ZNF385D: variants seen among roughly 807,000 people sequenced by gnomAD.
The protein encoded by ZNF385D is zinc finger protein 385D.
Under a neutral mutation model 35.8 loss-of-function variants are expected in ZNF385D, and 15 were observed. The ratio of observed to expected loss-of-function variants is 0.42; its 90% confidence interval spans 0.28 to 0.64. ZNF385D has a LOEUF of 0.64. ZNF385D is among the 30% of genes least tolerant of loss of function. The pLI, the probability that ZNF385D is intolerant of heterozygous loss-of-function variation, is 0.23. For synonymous variants in ZNF385D, 212 were observed against 186.8 expected, an observed-to-expected ratio of 1.13 and a Z score of -1.10; for missense variants, 474 against 494.6, an observed-to-expected ratio of 0.96 and a Z score of 0.39.
At chr3:22,073,138 G>T (rs1269259362) in intron 3 of ZNF385D, among the ~76,000 whole-genome samples, 1 of 151,982 alleles carries the variant, frequency 6.6e-6, no homozygotes, top group Non-Finnish European at 1.5e-5. Flanking sequence ...GGTGCCCTCA[G>T]AATTTACCTG....
intron 2 of ZNF385D, among the ~76,000 whole-genome samples, chr3:21,589,475 A>G (rs1419627381): frequency 2.0e-5 from 3 of 152,188 alleles, no homozygotes; most frequent in South Asian, 2.1e-4. Flanking sequence ...TTTTTACCTT[A>G]TAAGAGTGAA....
intron 3 of ZNF385D, among the ~76,000 whole-genome samples, chr3:21,829,579 A>G (rs1448284259): frequency 6.6e-6 from 1 of 151,924 alleles, no homozygotes; most frequent in Non-Finnish European, 1.5e-5. Context: ...GGAAGATATG[A>G]TACGATTTAG....
chr3:21,815,374 C>CA (rs1378692442), intron 3 of ZNF385D, among the ~76,000 whole-genome samples: 5 of 151,928 alleles, frequency 3.3e-5, no homozygotes, highest in East Asian at 1.9e-4. Context: ...AAATACCCTT[C>CA]AAAAAATCAA....
chr3:22,101,885 G>T (rs1466067904), intron 3 of ZNF385D, among the ~76,000 whole-genome samples: 1 of 151,676 alleles, frequency 6.6e-6, no homozygotes, highest in African/African-American at 2.4e-5. Context: ...GTAAGCTACA[G>T]CCCAGGGAGG....
At chr3:21,814,570 T>A (rs2073067884) in intron 3 of ZNF385D, among the ~76,000 whole-genome samples, 2 of 151,772 alleles carry the variant, frequency 1.3e-5, no homozygotes, top group Admixed American at 6.6e-5. Context: ...CCAACAAAGA[T>A]CAAAAGAGAC....
At chr3:22,191,810 G>C (rs1432465731) in intron 2 of ZNF385D, among the ~76,000 whole-genome samples, 1 of 151,868 alleles carries the variant, frequency 6.6e-6, no homozygotes, top group Non-Finnish European at 1.5e-5. Context: ...AAATAACCTA[G>C]GTCTTATTAA....
intron 3 of ZNF385D, among the ~76,000 whole-genome samples, chr3:22,037,992 T>C (rs1015568417): frequency 5.9e-5 from 9 of 152,248 alleles, no homozygotes; most frequent in African/African-American, 2.2e-4. Context: ...ATTCCCTATT[T>C]AATAAATGGT....
chr3:21,926,769 G>A lies in ZNF385D; in HGVS notation c.325+242048C>T, dbSNP rs185705617. Among the ~76,000 whole-genome samples the A allele has an allele frequency of 1.2e-3, 182 of 152,216 alleles. 3 individuals carry two copies. In the East Asian group the frequency reaches 0.025, roughly 21 times the overall value. ...AGACTTCATGACTAAAACACCAAAAGCAATGGCAACAAAAACCAAAATAGA... is the reference window on the plus strand; with the variant it reads ...AGACTTCATGACTAAAACACCAAAAACAATGGCAACAAAAACCAAAATAGA... On this transcript the variant is annotated intron_variant, in intron 3 of 5. Transcript: ENST00000494108.
Position 21,751,030 on chromosome 3 carries a change from G to A in ZNF385D, c.-114C>T. The A allele has an allele frequency of 6.3e-7, 1 of 1,587,492 alleles. No homozygotes were observed. The highest frequency in any genetic ancestry group is 8.6e-7 in the Non-Finnish European group (1 of 1,166,752). Reference sequence around the variant, plus strand: ...ATTCGGTGGAAATGTCCCCGGCGTGGAGAGCAGTGAGCGCCGAGAGCGTGC... The same window carrying A: ...ATTCGGTGGAAATGTCCCCGGCGTGAAGAGCAGTGAGCGCCGAGAGCGTGC... On this transcript the variant is annotated 5_prime_UTR_variant, in exon 1 of 8. Transcript: ENST00000281523.
At chr3:21,566,708 A>G (rs569501500) in intron 2 of ZNF385D, among the ~76,000 whole-genome samples, 4 of 152,284 alleles carry the variant, frequency 2.6e-5, no homozygotes, top group African/African-American at 7.2e-5. Context: ...GGTATTGTAT[A>G]ATAATTTACA....
At chr3:21,466,796 C>G (rs933513311) in intron 4 of ZNF385D, among the ~76,000 whole-genome samples, 1 of 152,194 alleles carries the variant, frequency 6.6e-6, no homozygotes, top group African/African-American at 2.4e-5. Flanking sequence ...TATCCATGAG[C>G]TATTGGCTTT....
At chr3:21,935,900 G>C (rs1395894715) in intron 3 of ZNF385D, among the ~76,000 whole-genome samples, 3 of 152,134 alleles carry the variant, frequency 2.0e-5, no homozygotes, top group Non-Finnish European at 4.4e-5. Flanking sequence ...ACAGAGTTTG[G>C]CTTGTCAGAT....
intron 2 of ZNF385D, among the ~76,000 whole-genome samples, chr3:22,354,278 A>T (rs566234797): frequency 3.4e-4 from 51 of 152,200 alleles, no homozygotes; most frequent in African/African-American, 1.2e-3. Context: ...CATTTACAAG[A>T]TGAAGAAAAC....
intron 2 of ZNF385D, among the ~76,000 whole-genome samples, chr3:22,318,623 A>G (rs536175450): frequency 6.6e-6 from 1 of 152,180 alleles, no homozygotes; most frequent in Non-Finnish European, 1.5e-5. Context: ...ATATTTTGGA[A>G]GCAGCAAGCA....
At chr3:21,730,444 C>A (rs905106904) in intron 1 of ZNF385D, among the ~76,000 whole-genome samples, 2 of 152,024 alleles carry the variant, frequency 1.3e-5, no homozygotes, top group African/African-American at 2.4e-5. Flanking sequence ...CAGAGATATC[C>A]AAACAACTGA....
intron 3 of ZNF385D, among the ~76,000 whole-genome samples, chr3:22,167,395 C>A (rs1706405471): frequency 1.3e-5 from 2 of 152,216 alleles, no homozygotes; most frequent in South Asian, 4.1e-4. Flanking sequence ...AACTACCCAA[C>A]TGTGGGGGTG....
chr3:21,991,978 C>G (rs548129979), intron 3 of ZNF385D, among the ~76,000 whole-genome samples: 1 of 152,284 alleles, frequency 6.6e-6, no homozygotes, highest in East Asian at 1.9e-4. Flanking sequence ...GGCTTATCTA[C>G]TATCTGTGTG....
At chr3:21,564,471 C>T (rs758383682) in intron 3 of ZNF385D, 103 bp downstream of exon 3, 9 of 597,826 alleles carry the variant, frequency 1.5e-5, no homozygotes, top group Non-Finnish European at 2.4e-5. Context: ...TTTTGACATG[C>T]TCAGTTACTG....
chr3:22,353,660 C>T (rs933641342), intron 2 of ZNF385D, among the ~76,000 whole-genome samples: 1 of 152,116 alleles, frequency 6.6e-6, no homozygotes, highest in Non-Finnish European at 1.5e-5. Context: ...CTTTTCAAAA[C>T]TACTTTTGTC....
Sources: gnomAD v4.1 joint callset for allele counts (sites outside exome capture counted in the v4.1 genomes callset) on GRCh38, gnomAD v4.1.1 for gene constraint, MANE v1.5 for transcripts, NCBI Gene and HGNC (gene_info 2026-07-23, HGNC 2026-07-21) for gene names.